RAB7A: variants seen among roughly 807,000 people sequenced by gnomAD.
RAB7A encodes the protein RAB7A, member RAS oncogene family.
RAB7A carries 2 observed loss-of-function variants against 24.5 expected under a neutral mutation model. The ratio of observed to expected loss-of-function variants is 0.08; its 90% CI spans 0.03 to 0.26. RAB7A has a LOEUF of 0.26. Ranked by LOEUF, RAB7A falls within the 10% of genes least tolerant of loss-of-function variation. RAB7A has a pLI of 1.00. For missense variants in RAB7A, 118 were observed against 255.7 expected, an observed-to-expected ratio of 0.46 and a Z score of 3.67; for synonymous variants, 100 against 95.9, an observed-to-expected ratio of 1.04 and a Z score of -0.25.
chr3:128,742,507 T>C (rs1166584194), intron 1 of RAB7A, among the ~76,000 whole-genome samples: 1 of 152,144 alleles, frequency 6.6e-6, no homozygotes, highest in East Asian at 1.9e-4. Flanking sequence ...AGGATGCTGA[T>C]TGGTGTGTTT....
At chr3:128,798,722 G>A (rs114650156) in intron 3 of RAB7A, 1,869 of 168,734 alleles carry the variant, frequency 0.011, 39 homozygotes, top group African/African-American at 0.043. Context: ...ACCCCTGAAG[G>A]ATGGATACCT....
intron 1 of RAB7A, among the ~76,000 whole-genome samples, chr3:128,788,872 T>C (rs1337244128): frequency 6.6e-6 from 1 of 152,214 alleles, no homozygotes; most frequent in African/African-American, 2.4e-5. Context: ...TGTTTCCTTA[T>C]TTTGTCTGCT....
rs796133375 is a variant in RAB7A, at chr3:128,804,124, G to A, written c.181-2248G>A. Among the ~76,000 whole-genome samples the A allele has an allele frequency of 4.5e-3, 454 of 100,222 alleles. 4 individuals carry two copies. Among genetic ancestry groups the A allele is most frequent in the African/African-American group, 0.017 (428 of 25,386 alleles). The allele number at this position is 100,222 out of a possible 152,430, so 65.7% of individuals were successfully genotyped here. A position where few individuals can be genotyped will look rare whatever the true frequency, so the allele number is the denominator to read the frequency against. On this transcript the variant is annotated intron_variant, in intron 3 of 5. Transcript: ENST00000265062. ...TAGGGACCTCCCTGGGCCCCCCCCC[G>A]CCCCCAGCATGTGCAGTTAGACTTC... is the stretch of plus-strand genomic sequence containing the variant.
intron 1 of RAB7A, among the ~76,000 whole-genome samples, chr3:128,750,874 C>T (rs1047171413): frequency 1.9e-4 from 29 of 152,194 alleles, no homozygotes; most frequent in African/African-American, 6.8e-4. Flanking sequence ...CTAGGGTCCC[C>T]GTGGTTTGTG....
intron 5 of RAB7A, among the ~76,000 whole-genome samples, chr3:128,808,346 T>G (rs1933848675): frequency 6.6e-6 from 1 of 151,922 alleles, no homozygotes; most frequent in Non-Finnish European, 1.5e-5. Flanking sequence ...GGTGACAGAG[T>G]GGGACTCTGT....
At chr3:128,780,071 C>T (rs113443792) in intron 1 of RAB7A, among the ~76,000 whole-genome samples, 86 of 152,264 alleles carry the variant, frequency 5.6e-4, no homozygotes, top group African/African-American at 1.9e-3. Context: ...CCATGGGGGT[C>T]TTCAAACTGG....
intron 5 of RAB7A, 149 bp downstream of exon 5, chr3:128,807,820 A>C: frequency 8.2e-7 from 1 of 1,214,562 alleles, no homozygotes; most frequent in Non-Finnish European, 1.2e-6. Context: ...GAAGGTTATG[A>C]CATGTTCTGC....
chr3:128,795,751 C>CTTTGTTTTTTTTTTTTT (rs1933555206), intron 2 of RAB7A, among the ~76,000 whole-genome samples: 1 of 43,032 alleles, frequency 2.3e-5, no homozygotes, highest in Admixed American at 4.4e-4. Flanking sequence ...AGCAGATGTG[C>CTTTGTTTTTTTTTTTTT]TTTTTTTTTT....
intron 1 of RAB7A, chr3:128,764,828 TCTC>T (rs2070812753): frequency 2.0e-6 from 2 of 988,180 alleles, no homozygotes; most frequent in Non-Finnish European, 3.2e-6. Context: ...GCATGTTCCC[TCTC>T]CTCATGAGAT....
intron 1 of RAB7A, among the ~76,000 whole-genome samples, chr3:128,736,227 G>A (rs1430304064): frequency 6.6e-6 from 1 of 151,950 alleles, no homozygotes; most frequent in Non-Finnish European, 1.5e-5. Flanking sequence ...CTGTGTGTTA[G>A]TGGGACTGGG....
chr3:128,733,420 A>G (rs2070457507), intron 1 of RAB7A, among the ~76,000 whole-genome samples: 1 of 152,218 alleles, frequency 6.6e-6, no homozygotes, highest in South Asian at 2.1e-4. Flanking sequence ...ATATATCATA[A>G]TGTATTTAAG....
intron 1 of RAB7A, among the ~76,000 whole-genome samples, chr3:128,778,026 T>C (rs1933133916): frequency 6.6e-6 from 1 of 152,172 alleles, no homozygotes; most frequent in South Asian, 2.1e-4. Context: ...AGAGCCAGTA[T>C]TTTTATTGTG....
chr3:128,795,149 G>T, intron 1 of RAB7A: 1 of 601,670 alleles, frequency 1.7e-6, no homozygotes, highest in Non-Finnish European at 3.0e-6. Flanking sequence ...GGGGCAGGAT[G>T]GCCCTGCTGT....
At chr3:128,728,193 G>A (rs1269907255) in intron 1 of RAB7A, among the ~76,000 whole-genome samples, 1 of 152,182 alleles carries the variant, frequency 6.6e-6, no homozygotes, top group Non-Finnish European at 1.5e-5. Context: ...ATCTTGGCCA[G>A]AAATTCTGTT....
intron 1 of RAB7A, among the ~76,000 whole-genome samples, chr3:128,759,272 G>C (rs1401401214): frequency 6.6e-6 from 1 of 152,194 alleles, no homozygotes; most frequent in East Asian, 1.9e-4. Context: ...AATGTGGCAG[G>C]AATTCAGTGT....
chr3:128,797,172 C>T (rs574979582), intron 2 of RAB7A, among the ~76,000 whole-genome samples: 24 of 152,302 alleles, frequency 1.6e-4, no homozygotes, highest in African/African-American at 5.3e-4. Flanking sequence ...CTTGTAGATT[C>T]TGGCTTAGAT....
chr3:128,778,885 A>G (rs567334515), intron 1 of RAB7A, among the ~76,000 whole-genome samples: 6 of 152,156 alleles, frequency 3.9e-5, no homozygotes, highest in Non-Finnish European at 8.8e-5. Context: ...ATCACATGGG[A>G]AAAGGATTAG....
chr3:128,762,444 G>T lies in RAB7A; in HGVS notation c.-8-32916G>T, dbSNP rs183579619. Among the ~76,000 whole-genome samples, 12 of 152,078 alleles carry T rather than the reference G, an allele frequency of 7.9e-5. No homozygotes were observed. The East Asian group carries it at 1.7e-3, about 22-fold the overall frequency. On this transcript the variant is annotated intron_variant, in intron 1 of 5. Coordinates refer to ENST00000265062, the MANE Select transcript of RAB7A (RefSeq NM_004637.6). ...ATTCTTTATAATAAAATTCCTCCCC[G>T]TCACAGTTTTTCTTAACCTCCTCAA...
At chr3:128,810,671 CAACCTCATTT>C (rs1436101202) in intron 5 of RAB7A, among the ~76,000 whole-genome samples, 1 of 152,220 alleles carries the variant, frequency 6.6e-6, no homozygotes, top group Non-Finnish European at 1.5e-5. Flanking sequence ...CCCCATCCTG[CAACCTCATTT>C]AACCTTCATT....
Sources: gnomAD v4.1 joint callset for allele counts (sites outside exome capture counted in the v4.1 genomes callset) on GRCh38, gnomAD v4.1.1 for gene constraint, MANE v1.5 for transcripts, NCBI Gene and HGNC (gene_info 2026-07-23, HGNC 2026-07-21) for gene names.